CTNNA3: variants seen among roughly 807,000 people sequenced by gnomAD.
CTNNA3 encodes the protein catenin alpha 3, also known as catenin alpha-3.
A neutral mutation model predicts 95.7 loss-of-function variants in CTNNA3; 76 were observed. The ratio of observed to expected loss-of-function variants is 0.79; its 90% CI spans 0.66 to 0.96. The LOEUF is 0.96. Among genes scored for constraint, CTNNA3 ranks in the 40% least tolerant of loss-of-function variants. The probability of loss-of-function intolerance (pLI) is 0.00; values close to 1 mark genes in which losing one functional copy is unlikely to be tolerated. For missense variants in CTNNA3, 1,191 were observed against 1,089.8 expected, an observed-to-expected ratio of 1.09 and a Z score of -1.31; for synonymous variants, 431 against 374.4, an observed-to-expected ratio of 1.15 and a Z score of -1.74.
intron 7 of CTNNA3, among the ~76,000 whole-genome samples, chr10:67,021,615 T>C (rs1853021061): frequency 6.6e-6 from 1 of 151,930 alleles, no homozygotes; most frequent in Non-Finnish European, 1.5e-5. Context: ...CATGTAAAAA[T>C]GGAATAAAAT....
intron 9 of CTNNA3, among the ~76,000 whole-genome samples, chr10:66,651,660 C>T (rs1051681641): frequency 6.6e-6 from 1 of 152,128 alleles, no homozygotes; most frequent in Non-Finnish European, 1.5e-5. Flanking sequence ...GCCCGCCGGC[C>T]GGCACTGCTG....
At chr10:66,363,405 C>T (rs1347065092) in intron 12 of CTNNA3, among the ~76,000 whole-genome samples, 1 of 152,128 alleles carries the variant, frequency 6.6e-6, no homozygotes. Context: ...AGATAACTTG[C>T]TTCCTTTATC....
intron 7 of CTNNA3, among the ~76,000 whole-genome samples, chr10:66,778,137 T>C (rs1840386034): frequency 6.6e-6 from 1 of 152,186 alleles, no homozygotes. Flanking sequence ...TCTCCCTTCT[T>C]GCTTTTTTCT....
At chr10:67,655,782 CAAAAA>C (rs11291979) in intron 1 of CTNNA3, among the ~76,000 whole-genome samples, 1 of 95,262 alleles carries the variant, frequency 1.0e-5, no homozygotes. Context: ...GACTCCGTCT[CAAAAA>C]AAAAAAAAAA....
chr10:66,069,763 G>A (rs1281226146), intron 14 of CTNNA3, among the ~76,000 whole-genome samples: 1 of 152,084 alleles, frequency 6.6e-6, no homozygotes, highest in African/African-American at 2.4e-5. Flanking sequence ...TAAAATAAAT[G>A]TGGGACTTTG....
At chr10:66,409,458 G>A (rs1467400529) in intron 11 of CTNNA3, among the ~76,000 whole-genome samples, 1 of 151,966 alleles carries the variant, frequency 6.6e-6, no homozygotes. Flanking sequence ...AATCTTCTTG[G>A]TTCAATAGTT....
At chr10:67,671,496 C>T (rs1840432039) in intron 1 of CTNNA3, among the ~76,000 whole-genome samples, 2 of 149,360 alleles carry the variant, frequency 1.3e-5, no homozygotes. Flanking sequence ...TCTCCTAATG[C>T]TATCCCTCCC....
At chr10:67,134,695 C>A (rs1860207906) in intron 7 of CTNNA3, among the ~76,000 whole-genome samples, 2 of 152,094 alleles carry the variant, frequency 1.3e-5, no homozygotes, top group Admixed American at 1.3e-4. Context: ...TCCTAGCTTG[C>A]ACTCTTTGTT....
chr10:66,863,519 C>G (rs11815828), intron 7 of CTNNA3, among the ~76,000 whole-genome samples: 12,906 of 152,066 alleles, frequency 0.085, 655 homozygotes, highest in South Asian at 0.12. Context: ...ATTGAGCCAA[C>G]AGGATTTGCT....
intron 1 of CTNNA3, among the ~76,000 whole-genome samples, chr10:67,709,318 T>C (rs1157699873): frequency 6.6e-6 from 1 of 152,202 alleles, no homozygotes; most frequent in Non-Finnish European, 1.5e-5. Context: ...TACGTGTTTA[T>C]GAGTAAAACC....
At chr10:66,412,615 A>G (rs1387059132) in intron 11 of CTNNA3, among the ~76,000 whole-genome samples, 1 of 151,918 alleles carries the variant, frequency 6.6e-6, no homozygotes, top group Non-Finnish European at 1.5e-5. Context: ...GTCCACCACC[A>G]TGCCCAGCTA....
chr10:67,531,302 T>C (rs1367302337), intron 4 of CTNNA3, among the ~76,000 whole-genome samples: 2 of 152,084 alleles, frequency 1.3e-5, no homozygotes, highest in African/African-American at 4.8e-5. Context: ...TGGCAACCCA[T>C]GAACACAGCC....
At position 66,453,020 on chromosome 10, in the gene CTNNA3, C is replaced by T. The variant is rs527831051; in HGVS notation, c.1531+67597G>A. ...CACGGGTTCAGGAGATTGAGACCAT[C>T]CTGGCTAACACGGTGAAACCTTGTC... On this transcript the variant is annotated intron_variant, in intron 11 of 17. Transcript: ENST00000433211. 4.3e-3 allele frequency among the ~76,000 whole-genome samples: 656 copies of T among 151,664 alleles called. 4 individuals are homozygous for T. Among genetic ancestry groups the T allele is most frequent in the African/African-American group, 0.015 (629 of 41,278 alleles).
intron 7 of CTNNA3, among the ~76,000 whole-genome samples, chr10:66,820,884 G>T (rs7084950): frequency 0.88 from 133,523 of 152,112 alleles, 58,983 homozygotes; most frequent in African/African-American, 0.97. Flanking sequence ...AAATAAAAAT[G>T]CAAATATTGG....
chr10:66,430,824 A>G (rs1198001922), intron 11 of CTNNA3, among the ~76,000 whole-genome samples: 1 of 152,188 alleles, frequency 6.6e-6, no homozygotes, highest in Non-Finnish European at 1.5e-5. Context: ...AGGCAATACC[A>G]TTCAGGACAT....
chr10:67,332,877 C>T (rs1460712139), intron 5 of CTNNA3, among the ~76,000 whole-genome samples: 2 of 152,126 alleles, frequency 1.3e-5, no homozygotes, highest in African/African-American at 2.4e-5. Flanking sequence ...TTTAATTTAG[C>T]TCCAAGCTAT....
intron 5 of CTNNA3, among the ~76,000 whole-genome samples, chr10:67,304,000 G>A (rs80177867): frequency 0.016 from 2,465 of 152,096 alleles, 71 homozygotes; most frequent in African/African-American, 0.054. Context: ...CCTATGTACC[G>A]TTTTGGGCTT....
At chr10:67,402,881 C>T (rs955996122) in intron 5 of CTNNA3, among the ~76,000 whole-genome samples, 1 of 152,134 alleles carries the variant, frequency 6.6e-6, no homozygotes, top group African/African-American at 2.4e-5. Flanking sequence ...TCAGTCAAGG[C>T]GGGAGGTCCA....
intron 9 of CTNNA3, among the ~76,000 whole-genome samples, chr10:66,678,208 CT>C (rs544353619): frequency 4.9e-4 from 75 of 152,302 alleles, no homozygotes; most frequent in Admixed American, 1.7e-3. Flanking sequence ...TGTAGGACTA[CT>C]TACCACTAGA....
Sources: gnomAD v4.1 joint callset for allele counts (sites outside exome capture counted in the v4.1 genomes callset) on GRCh38, gnomAD v4.1.1 for gene constraint, MANE v1.5 for transcripts, NCBI Gene and HGNC (gene_info 2026-07-23, HGNC 2026-07-21) for gene names.